LPCAT3: variants seen among roughly 807,000 people sequenced by gnomAD.
LPCAT3 encodes the protein lysophosphatidylcholine acyltransferase 3.
Under a neutral mutation model 63.4 loss-of-function variants are expected in LPCAT3, and 21 were observed. The observed-to-expected ratio is 0.33, with a 90% CI of 0.23 to 0.48. The LOEUF (loss-of-function observed/expected upper bound fraction) is 0.48. Ranked by LOEUF, LPCAT3 falls within the 20% of genes least tolerant of loss-of-function variation. The pLI is 0.99. For synonymous variants in LPCAT3, 242 were observed against 227.5 expected, an observed-to-expected ratio of 1.06 and a Z score of -0.58; for missense variants, 451 against 590.6, an observed-to-expected ratio of 0.76 and a Z score of 2.45.
intron 1 of LPCAT3, among the ~76,000 whole-genome samples, chr12:6,989,467 C>T (rs1171078359): frequency 6.6e-6 from 1 of 151,942 alleles, no homozygotes; most frequent in African/African-American, 2.4e-5. Context: ...CCCGCCATCA[C>T]GCCCAGCTAA....
intron 1 of LPCAT3, among the ~76,000 whole-genome samples, chr12:7,015,435 A>G (rs1565607657): frequency 1.3e-5 from 2 of 152,232 alleles, no homozygotes; most frequent in Non-Finnish European, 2.9e-5. Context: ...CCACTGCTGA[A>G]AGGCTACTGG....
chr12:6,996,281 C>G (rs1332689183), intron 1 of LPCAT3, among the ~76,000 whole-genome samples: 3 of 152,246 alleles, frequency 2.0e-5, no homozygotes, highest in Non-Finnish European at 4.4e-5. Context: ...ATCCTTCCTA[C>G]ACCTCAGGTC....
At chr12:6,988,905 T>G in intron 1 of LPCAT3, among the ~76,000 whole-genome samples, 1 of 152,016 alleles carries the variant, frequency 6.6e-6, no homozygotes, top group East Asian at 1.9e-4. Flanking sequence ...GGCAGGCGGA[T>G]CACCTGAGGT....
chr12:6,978,736 C>A, intron 7 of LPCAT3, 47 bp from the exon 8 acceptor site: 1 of 1,604,640 alleles, frequency 6.2e-7, no homozygotes, highest in South Asian at 1.1e-5. Flanking sequence ...CATGACTAGG[C>A]AGTTTCTCTC....
chr12:6,985,963 C>T lies in LPCAT3; in HGVS notation c.152-2424G>A, dbSNP rs948369757. Among the ~76,000 whole-genome samples the T allele has an allele frequency of 1.7e-3, 262 of 151,890 alleles. 1 individual carries two copies. The South Asian group carries it at 0.031, about 18-fold the overall frequency. Reference sequence around the variant, plus strand: ...TGAATTTTTGTATTTTTAGTAGAGACGGTATTTCACCATGTTGGCCAGGCT... The same window carrying T: ...TGAATTTTTGTATTTTTAGTAGAGATGGTATTTCACCATGTTGGCCAGGCT... On this transcript the variant is annotated intron_variant, in intron 1 of 12. Coordinates refer to ENST00000261407, the MANE Select transcript of LPCAT3 (RefSeq NM_005768.6).
At chr12:6,985,280 C>T (rs1244818041) in intron 1 of LPCAT3, among the ~76,000 whole-genome samples, 1 of 151,798 alleles carries the variant, frequency 6.6e-6, no homozygotes, top group African/African-American at 2.4e-5. Flanking sequence ...CCTATAGTCC[C>T]AGCTACTAGG....
chr12:7,015,498 T>C (rs782270158), intron 1 of LPCAT3, among the ~76,000 whole-genome samples: 49 of 152,312 alleles, frequency 3.2e-4, no homozygotes, highest in Non-Finnish European at 5.4e-4. Flanking sequence ...GGGAAACATA[T>C]TTACAACCAA....
chr12:7,010,570 C>T (rs1378112924), intron 1 of LPCAT3, among the ~76,000 whole-genome samples: 1 of 152,186 alleles, frequency 6.6e-6, no homozygotes, highest in Non-Finnish European at 1.5e-5. Context: ...CACATGCTAC[C>T]ATGCCCAGCT....
chr12:7,001,502 G>A, intron 1 of LPCAT3: 1 of 456,150 alleles, frequency 2.2e-6, no homozygotes, highest in Non-Finnish European at 4.4e-6. Flanking sequence ...AATAGGCAGA[G>A]TCCCCAGATT....
chr12:6,981,811 C>T lies in LPCAT3; in HGVS notation c.460G>A (p.Gly154Ser). The T allele has an allele frequency of 6.2e-7, 1 of 1,611,744 alleles. No individual in the cohort carries two copies. Among genetic ancestry groups the T allele is most frequent in the Non-Finnish European group, 8.5e-7 (1 of 1,177,880 alleles). Residue 154 changes from glycine (G) to serine (S), a missense_variant and splice_region_variant, in exon 4 of 13, where the codon GGT becomes AGT. Around this residue, in one of 3 missense-constraint regions of LPCAT3, gnomAD observed 14 missense variants for 47.8 expected, o/e 0.29. Transcript: ENST00000261407. ...PHCVLTLKLI[G>S]LAVDYFDGGK... Reference sequence around the variant, plus strand: ...AAGGCAGGCAGTGACCATCACTCACCAATCAGCTTCAAAGTCAGAACACAA... The same window carrying T: ...AAGGCAGGCAGTGACCATCACTCACTAATCAGCTTCAAAGTCAGAACACAA...
At chr12:6,997,419 G>GTGTA (rs1320231319) in intron 1 of LPCAT3, 55 of 147,866 alleles carry the variant, frequency 3.7e-4, no homozygotes, top group South Asian at 6.7e-4. Flanking sequence ...GTGTGTGTGT[G>GTGTA]TGTGTGTGTT....
chr12:6,986,849 T>G (rs946530651), intron 1 of LPCAT3, among the ~76,000 whole-genome samples: 5 of 144,258 alleles, frequency 3.5e-5, no homozygotes, highest in Non-Finnish European at 7.5e-5. Context: ...GTGCGGCAGC[T>G]CACACCTGTA....
At chr12:7,010,673 T>C (rs1946756445) in intron 1 of LPCAT3, among the ~76,000 whole-genome samples, 1 of 152,236 alleles carries the variant, frequency 6.6e-6, no homozygotes, top group Admixed American at 6.5e-5. Flanking sequence ...AGTGATTATA[T>C]AATTTTTTTT....
chr12:6,991,293 C>T (rs1337568791), intron 1 of LPCAT3, among the ~76,000 whole-genome samples: 1 of 152,210 alleles, frequency 6.6e-6, no homozygotes, highest in East Asian at 1.9e-4. Context: ...TTTAGCGCTA[C>T]ATCAAAACTT....
intron 2 of LPCAT3, 136 bp downstream of exon 2, chr12:6,983,296 C>G (rs1555154380): frequency 3.0e-6 from 2 of 663,000 alleles, no homozygotes; most frequent in Non-Finnish European, 5.4e-6. Flanking sequence ...CTGTGTTCCT[C>G]TTCATACAAC....
chr12:7,007,586 C>A (rs1434136030), intron 1 of LPCAT3, among the ~76,000 whole-genome samples: 1 of 151,224 alleles, frequency 6.6e-6, no homozygotes, highest in Non-Finnish European at 1.5e-5. Flanking sequence ...CCTCCCCCTC[C>A]CAGGTTCAAG....
intron 1 of LPCAT3, among the ~76,000 whole-genome samples, chr12:7,002,818 G>A (rs1318073592): frequency 6.6e-6 from 1 of 152,148 alleles, no homozygotes; most frequent in Non-Finnish European, 1.5e-5. Context: ...AGACCAGCCT[G>A]GCCAACATGG....
At chr12:7,001,819 AC>A (rs1182721617) in intron 1 of LPCAT3, among the ~76,000 whole-genome samples, 1 of 152,058 alleles carries the variant, frequency 6.6e-6, no homozygotes, top group African/African-American at 2.4e-5. Flanking sequence ...AGTGGTTGAA[AC>A]CCAGTGTTAA....
chr12:6,982,963 GTTATT>G (rs1555154329), intron 2 of LPCAT3, 181 bp from the exon 3 acceptor site: 10 of 669,598 alleles, frequency 1.5e-5, no homozygotes, highest in Non-Finnish European at 2.2e-5. Flanking sequence ...TTATTAGGGT[GTTATT>G]TTATTTCTTT....
Sources: gnomAD v4.1 joint callset for allele counts (sites outside exome capture counted in the v4.1 genomes callset) on GRCh38, gnomAD v4.1.1 for gene constraint, gnomAD v4.1.1 regional missense constraint, MANE v1.5 for transcripts, NCBI Gene and HGNC (gene_info 2026-07-23, HGNC 2026-07-21) for gene names.